ERBB4: variants seen among roughly 807,000 people sequenced by gnomAD.
ERBB4 encodes erb-b2 receptor tyrosine kinase 4.
A neutral mutation model predicts 158.0 loss-of-function variants in ERBB4; 42 were observed. The observed-to-expected ratio is 0.27, with a 90% confidence interval of 0.21 to 0.34. The LOEUF is 0.34. Ranked by LOEUF, ERBB4 falls within the 10% of genes least tolerant of loss-of-function variation. The pLI, the probability that ERBB4 is intolerant of heterozygous loss-of-function variation, is 1.00. For missense variants in ERBB4, 1,333 were observed against 1,624.1 expected (o/e 0.82, Z 3.08); for synonymous variants, 583 against 558.7 (o/e 1.04, Z -0.61).
intron 1 of ERBB4, among the ~76,000 whole-genome samples, chr2:212,520,513 C>T (rs1177730601): frequency 1.3e-5 from 2 of 151,926 alleles, no homozygotes; most frequent in Non-Finnish European, 2.9e-5. Context: ...CACACATCCC[C>T]ACTGCCCATA....
At chr2:211,640,963 A>G (rs528458958) in intron 16 of ERBB4, among the ~76,000 whole-genome samples, 1 of 152,298 alleles carries the variant, frequency 6.6e-6, no homozygotes, top group East Asian at 1.9e-4. Flanking sequence ...CAGACAGACA[A>G]TTAGAAGGGA....
intron 12 of ERBB4, among the ~76,000 whole-genome samples, chr2:211,681,210 G>GTA (rs2072319266): frequency 1.3e-5 from 2 of 152,032 alleles, no homozygotes; most frequent in Non-Finnish European, 2.9e-5. Context: ...TTATTACTGA[G>GTA]TATATTCTAT....
intron 20 of ERBB4, among the ~76,000 whole-genome samples, chr2:211,528,010 C>A (rs776589932): frequency 6.6e-6 from 1 of 151,930 alleles, no homozygotes; most frequent in Non-Finnish European, 1.5e-5. Flanking sequence ...TAAGTCCTTA[C>A]GGACAATAAC....
intron 1 of ERBB4, among the ~76,000 whole-genome samples, chr2:212,356,587 T>C (rs540121373): frequency 6.6e-6 from 1 of 152,096 alleles, no homozygotes; most frequent in South Asian, 2.1e-4. Flanking sequence ...AGTAGGTTTT[T>C]TTTGTTATTT....
chr2:211,905,763 T>C (rs190970785), intron 3 of ERBB4, among the ~76,000 whole-genome samples: 19 of 141,512 alleles, frequency 1.3e-4, no homozygotes, highest in African/African-American at 4.5e-4. Context: ...TATATATATA[T>C]ACTATTATGT....
Position 212,339,708 on chromosome 2 carries a change from G to A in ERBB4, c.82+198741C>T, listed in dbSNP as rs1195660257. On this transcript the variant is annotated intron_variant, in intron 1 of 27. Coordinates refer to ENST00000342788, the MANE Select transcript of ERBB4 (RefSeq NM_005235.3). ...TTTTTCATTTGGGGAAATAACAGGG[G>A]AGAGCAAATTTCTAAAAACTTGGGG... 2.0e-5 allele frequency among the ~76,000 whole-genome samples: 3 copies of A among 152,060 alleles called. No homozygotes were observed. In the East Asian group the frequency reaches 5.8e-4, roughly 29 times the overall value.
At chr2:211,735,015 T>C (rs2074558545) in intron 5 of ERBB4, among the ~76,000 whole-genome samples, 1 of 150,916 alleles carries the variant, frequency 6.6e-6, no homozygotes, top group African/African-American at 2.4e-5. Flanking sequence ...CGAATAGACA[T>C]GGCATACATA....
chr2:211,890,505 C>T (rs2078934673), intron 3 of ERBB4, among the ~76,000 whole-genome samples: 1 of 151,698 alleles, frequency 6.6e-6, no homozygotes, highest in Non-Finnish European at 1.5e-5. Flanking sequence ...AACTAATGAG[C>T]AAAATCACCA....
At chr2:211,657,560 A>G (rs1452504501) in intron 16 of ERBB4, 194 bp downstream of exon 16, 1 of 609,882 alleles carries the variant, frequency 1.6e-6, no homozygotes, top group African/African-American at 1.8e-5. Context: ...CTCTTGTATC[A>G]CAATGAATGA....
chr2:212,255,995 T>C (rs2084717212), intron 1 of ERBB4, among the ~76,000 whole-genome samples: 1 of 110,134 alleles, frequency 9.1e-6, no homozygotes, highest in African/African-American at 3.6e-5. Context: ...TAAGTTTTAT[T>C]TATTTATTTT....
At chr2:212,151,214 T>C (rs1292326893) in intron 1 of ERBB4, among the ~76,000 whole-genome samples, 2 of 151,636 alleles carry the variant, frequency 1.3e-5, no homozygotes. Context: ...TTAACAAATA[T>C]GTTCTAATCT....
chr2:212,346,469 T>C (rs1445635469), intron 1 of ERBB4, among the ~76,000 whole-genome samples: 1 of 152,094 alleles, frequency 6.6e-6, no homozygotes, highest in Non-Finnish European at 1.5e-5. Flanking sequence ...AACTTTGCTA[T>C]CTTCCTTCAT....
At chr2:211,975,358 C>T (rs922791204) in intron 2 of ERBB4, among the ~76,000 whole-genome samples, 7 of 152,114 alleles carry the variant, frequency 4.6e-5, no homozygotes, top group Non-Finnish European at 1.0e-4. Flanking sequence ...CCAATCAATC[C>T]TGACCTGATT....
At chr2:212,231,966 C>G (rs1337431279) in intron 1 of ERBB4, among the ~76,000 whole-genome samples, 1 of 152,006 alleles carries the variant, frequency 6.6e-6, no homozygotes, top group Non-Finnish European at 1.5e-5. Flanking sequence ...TTTTATGACC[C>G]TGAATGATCT....
intron 20 of ERBB4, among the ~76,000 whole-genome samples, chr2:211,472,991 A>G (rs953133653): frequency 1.3e-5 from 2 of 151,970 alleles, no homozygotes; most frequent in African/African-American, 4.8e-5. Flanking sequence ...TGCCTCCCCC[A>G]GGGATATATG....
chr2:212,481,313 T>C (rs747893256), intron 1 of ERBB4, among the ~76,000 whole-genome samples: 1 of 152,172 alleles, frequency 6.6e-6, no homozygotes, highest in Non-Finnish European at 1.5e-5. Context: ...AATGCATTAG[T>C]ATGTTAAACA....
chr2:212,071,428 A>G (rs1261845551), intron 2 of ERBB4, among the ~76,000 whole-genome samples: 1 of 151,958 alleles, frequency 6.6e-6, no homozygotes, highest in Non-Finnish European at 1.5e-5. Context: ...GGCCACAGAC[A>G]CTAATCAAAG....
intron 1 of ERBB4, among the ~76,000 whole-genome samples, chr2:212,520,862 A>C (rs992785533): frequency 6.6e-6 from 1 of 151,426 alleles, no homozygotes; most frequent in Admixed American, 6.6e-5. Context: ...AATGTTAATT[A>C]GCAAGTGGAC....
chr2:212,122,543 A>G (rs2079789261), intron 2 of ERBB4, among the ~76,000 whole-genome samples: 1 of 152,098 alleles, frequency 6.6e-6, no homozygotes, highest in African/African-American at 2.4e-5. Context: ...TGTAAAAGAA[A>G]CAGCTTACTT....
Sources: gnomAD v4.1 joint callset for allele counts (sites outside exome capture counted in the v4.1 genomes callset) on GRCh38, gnomAD v4.1.1 for gene constraint, MANE v1.5 for transcripts, NCBI Gene and HGNC (gene_info 2026-07-23, HGNC 2026-07-21) for gene names.